The following PLD5 variants were observed in gnomAD, a reference collection of about 807,000 sequenced individuals.
PLD5 encodes the protein phospholipase D family member 5.
Under a neutral mutation model 61.1 loss-of-function variants are expected in PLD5, and 36 were observed. The observed-to-expected ratio is 0.59, with a 90% confidence interval of 0.45 to 0.78. The LOEUF is 0.78. Ranked by LOEUF, PLD5 falls within the 30% of genes least tolerant of loss-of-function variation. The probability of loss-of-function intolerance (pLI) is 0.00; values close to 1 mark genes in which losing one functional copy is unlikely to be tolerated. For missense variants in PLD5, 515 were observed against 644.4 expected (o/e 0.80, Z 2.17); for synonymous variants, 243 against 242.8 (o/e 1.00, Z -0.01).
At chr1:242,146,665 C>T (rs548144108) in intron 5 of PLD5, among the ~76,000 whole-genome samples, 4 of 152,002 alleles carry the variant, frequency 2.6e-5, no homozygotes, top group Non-Finnish European at 5.9e-5. Context: ...AACAAAGATT[C>T]TATATATTAA....
intron 1 of PLD5, among the ~76,000 whole-genome samples, chr1:242,382,926 A>C (rs572260707): frequency 6.6e-6 from 1 of 152,312 alleles, no homozygotes; most frequent in Admixed American, 6.5e-5. Flanking sequence ...CTTTAGCAAA[A>C]TATTTGCAGG....
chr1:242,394,754 ATGTG>A (rs1231863005), intron 1 of PLD5, among the ~76,000 whole-genome samples: 1 of 43,302 alleles, frequency 2.3e-5, no homozygotes, highest in Non-Finnish European at 5.7e-5. Context: ...GTGAACATAT[ATGTG>A]TATATATGTG....
intron 1 of PLD5, among the ~76,000 whole-genome samples, chr1:242,473,431 A>G (rs1667500069): frequency 1.3e-5 from 2 of 152,236 alleles, no homozygotes; most frequent in Non-Finnish European, 2.9e-5. Context: ...ATGAGACAAT[A>G]CACAGTAAGT....
At chr1:242,193,449 G>A (rs1165887442) in intron 5 of PLD5, among the ~76,000 whole-genome samples, 1 of 152,190 alleles carries the variant, frequency 6.6e-6, no homozygotes, top group Non-Finnish European at 1.5e-5. Context: ...TCCCGTGGAG[G>A]AGGGTGGCCA....
rs2148794955 is a variant in PLD5, at chr1:242,142,879, A to G, written c.736-18214T>C. ...GTAGCTGGAATTGCAGGCACCCACC[A>G]CCATGTTGGCTGATTTTTAGTAGAG... On this transcript the variant is annotated intron_variant, in intron 5 of 9. Transcript: ENST00000536534. 2.6e-5 allele frequency among the ~76,000 whole-genome samples: 4 copies of G among 151,848 alleles called. No individual in the cohort carries two copies. In the South Asian group the frequency reaches 8.3e-4, roughly 32 times the overall value.
intron 2 of PLD5, among the ~76,000 whole-genome samples, chr1:242,317,926 C>T (rs1658121591): frequency 6.6e-6 from 1 of 152,150 alleles, no homozygotes. Flanking sequence ...TTTCCCTCTG[C>T]TCCTCAATGC....
At chr1:242,150,076 T>G (rs943908370) in intron 5 of PLD5, among the ~76,000 whole-genome samples, 1 of 151,854 alleles carries the variant, frequency 6.6e-6, no homozygotes, top group African/African-American at 2.4e-5. Context: ...CCCTAAGATT[T>G]CCTCTTCACA....
intron 5 of PLD5, among the ~76,000 whole-genome samples, chr1:242,179,620 A>C (rs1015357289): frequency 6.6e-6 from 1 of 152,288 alleles, no homozygotes; most frequent in South Asian, 2.1e-4. Context: ...GAGTGTGTAT[A>C]GGCCAGGCAC....
chr1:242,519,719 G>A (rs1007164771), intron 1 of PLD5, among the ~76,000 whole-genome samples: 3 of 152,162 alleles, frequency 2.0e-5, no homozygotes, highest in Admixed American at 6.5e-5. Flanking sequence ...GAGCAAGCAA[G>A]GGCCCCACTA....
At chr1:242,123,027 A>T (rs1662507015) in intron 6 of PLD5, among the ~76,000 whole-genome samples, 1 of 152,202 alleles carries the variant, frequency 6.6e-6, no homozygotes, top group Non-Finnish European at 1.5e-5. Context: ...TCAAATAAAA[A>T]TTCTAAGATC....
chr1:242,115,630 C>T (rs1038375863), intron 6 of PLD5, among the ~76,000 whole-genome samples: 3 of 148,716 alleles, frequency 2.0e-5, no homozygotes, highest in African/African-American at 7.5e-5. Flanking sequence ...ATGATGTGGG[C>T]ATAAAAATGT....
chr1:242,423,222 A>G (rs1376924642), intron 1 of PLD5, among the ~76,000 whole-genome samples: 1 of 152,190 alleles, frequency 6.6e-6, no homozygotes. Context: ...CCACAAATCA[A>G]AACTAAGAAA....
intron 1 of PLD5, among the ~76,000 whole-genome samples, chr1:242,402,291 T>G (rs1375659834): frequency 3.3e-5 from 5 of 150,372 alleles, no homozygotes; most frequent in Non-Finnish European, 1.5e-5. Context: ...GTAAGACACT[T>G]TTTATTTTTT....
intron 3 of PLD5, among the ~76,000 whole-genome samples, chr1:242,279,348 C>T (rs567574162): frequency 2.2e-4 from 33 of 152,214 alleles, no homozygotes; most frequent in East Asian, 7.7e-4. Flanking sequence ...ATCCCCTCAT[C>T]GTTTTTAGAA....
At chr1:242,318,744 C>T (rs138212777) in intron 2 of PLD5, among the ~76,000 whole-genome samples, 149 of 151,948 alleles carry the variant, frequency 9.8e-4, no homozygotes, top group African/African-American at 3.3e-3. Flanking sequence ...CCTGCCTTGA[C>T]GTCCCAAAGT....
intron 5 of PLD5, 34 bp from the exon 6 acceptor site, chr1:242,124,699 G>A (rs949266103): frequency 1.3e-6 from 2 of 1,553,572 alleles, no homozygotes; most frequent in African/African-American, 1.4e-5. Context: ...TCAATGCCAT[G>A]TGTGTCTTTT....
intron 1 of PLD5, among the ~76,000 whole-genome samples, chr1:242,490,769 G>T (rs572491633): frequency 2.0e-5 from 3 of 152,126 alleles, no homozygotes; most frequent in African/African-American, 7.2e-5. Context: ...AAAACCTACC[G>T]CTACGTCATA....
At chr1:242,091,832 CT>C (rs750237371) in intron 9 of PLD5, among the ~76,000 whole-genome samples, 154 of 123,386 alleles carry the variant, frequency 1.2e-3, no homozygotes, top group East Asian at 9.4e-3. Context: ...TTCTTTTTTT[CT>C]TTTTTTTTTT....
intron 5 of PLD5, among the ~76,000 whole-genome samples, chr1:242,131,801 G>A (rs1352922011): frequency 1.3e-5 from 2 of 149,370 alleles, no homozygotes; most frequent in African/African-American, 2.5e-5. Context: ...GGAGAAGCAC[G>A]TAATTACACC....
Sources: gnomAD v4.1 joint callset for allele counts (sites outside exome capture counted in the v4.1 genomes callset) on GRCh38, gnomAD v4.1.1 for gene constraint, MANE v1.5 for transcripts, NCBI Gene and HGNC (gene_info 2026-07-23, HGNC 2026-07-21) for gene names.